CEP83: variants seen among roughly 807,000 people sequenced by gnomAD.
CEP83 encodes centrosomal protein of 83 kDa.
Under a neutral mutation model 101.9 loss-of-function variants are expected in CEP83, and 70 were observed. That is an observed-to-expected ratio of 0.69 (90% confidence interval 0.57 to 0.84). The LOEUF is 0.84. Among genes scored for constraint, CEP83 ranks in the 40% least tolerant of loss-of-function variants. The probability of loss-of-function intolerance (pLI) is 0.00; values close to 1 mark genes in which losing one functional copy is unlikely to be tolerated. For synonymous variants in CEP83, 264 were observed against 267.9 expected (o/e 0.99, Z 0.14); for missense variants, 715 against 787.2 (o/e 0.91, Z 1.10).
chr12:94,385,404 A>C (rs2062081630), intron 6 of CEP83, among the ~76,000 whole-genome samples: 1 of 152,040 alleles, frequency 6.6e-6, no homozygotes, highest in East Asian at 1.9e-4. Flanking sequence ...AGGGTACCTC[A>C]TTACTGCCAG....
At chr12:94,406,240 T>G (rs980284633) in intron 4 of CEP83, among the ~76,000 whole-genome samples, 11 of 151,808 alleles carry the variant, frequency 7.2e-5, no homozygotes, top group African/African-American at 2.7e-4. Context: ...TATCAGAATA[T>G]AAAAATATTG....
chr12:94,404,838 A>C (rs962240564), intron 4 of CEP83, among the ~76,000 whole-genome samples: 13 of 152,192 alleles, frequency 8.5e-5, no homozygotes, highest in Non-Finnish European at 1.6e-4. Context: ...CCCTTCCTAA[A>C]ACAATCTACA....
chr12:94,275,274 A>G, the CEP83 span, among the ~76,000 whole-genome samples: 1 of 152,230 alleles, frequency 6.6e-6, no homozygotes, highest in African/African-American at 2.4e-5. Context: ...CTATGTCATA[A>G]CATCTCTCTG....
intron 4 of CEP83, among the ~76,000 whole-genome samples, chr12:94,410,794 C>T (rs989837667): frequency 3.9e-5 from 6 of 151,932 alleles, no homozygotes; most frequent in African/African-American, 1.5e-4. Flanking sequence ...CTAAATATAC[C>T]TAGGAATGAA....
intron 8 of CEP83, among the ~76,000 whole-genome samples, chr12:94,373,703 C>G (rs373529879): frequency 6.6e-6 from 1 of 152,156 alleles, no homozygotes; most frequent in Admixed American, 6.6e-5. Flanking sequence ...TTTGGTAATA[C>G]CTTTTAATCC....
intron 14 of CEP83, among the ~76,000 whole-genome samples, chr12:94,327,938 TTA>T (rs1350629296): frequency 1.3e-5 from 2 of 152,214 alleles, no homozygotes; most frequent in Admixed American, 6.5e-5. Context: ...TTCTTGCATG[TTA>T]TCTTATTTCT....
intron 14 of CEP83, among the ~76,000 whole-genome samples, chr12:94,320,106 C>A (rs759594295): frequency 1.3e-5 from 2 of 151,958 alleles, no homozygotes; most frequent in South Asian, 2.1e-4. Context: ...TATGTAAACC[C>A]GTGTCTTTTT....
At chr12:94,288,583 T>C in the CEP83 span, among the ~76,000 whole-genome samples, 1 of 152,226 alleles carries the variant, frequency 6.6e-6, no homozygotes, top group Non-Finnish European at 1.5e-5. Flanking sequence ...GTCCAGAACC[T>C]TCTGTGTGAT....
intron 6 of CEP83, among the ~76,000 whole-genome samples, chr12:94,394,013 T>C (rs1270617670): frequency 1.3e-5 from 2 of 152,136 alleles, no homozygotes; most frequent in Non-Finnish European, 2.9e-5. Flanking sequence ...TGCTTATGGA[T>C]AGGAAGAATC....
At chr12:94,301,451 G>A (rs997209179), downstream of CEP83, among the ~76,000 whole-genome samples, 2 of 152,080 alleles carry the variant, frequency 1.3e-5, no homozygotes, top group African/African-American at 4.8e-5. Flanking sequence ...CATTGCTTAT[G>A]GGACACAAAA....
At chr12:94,415,092 A>G (rs2137853910) in intron 2 of CEP83, among the ~76,000 whole-genome samples, 1 of 152,254 alleles carries the variant, frequency 6.6e-6, no homozygotes, top group Non-Finnish European at 1.5e-5. Context: ...AGTTATTGAA[A>G]GATTATTTCA....
At chr12:94,327,943 T>G (rs1331750913) in intron 14 of CEP83, among the ~76,000 whole-genome samples, 1 of 152,224 alleles carries the variant, frequency 6.6e-6, no homozygotes, top group Non-Finnish European at 1.5e-5. Context: ...GCATGTTATC[T>G]TATTTCTCCA....
At chr12:94,365,798 T>G (rs577704741) in intron 11 of CEP83, among the ~76,000 whole-genome samples, 5 of 145,576 alleles carry the variant, frequency 3.4e-5, no homozygotes, top group African/African-American at 1.3e-4. Context: ...AGACAAAATA[T>G]TGGAAATTAA....
At chr12:94,409,129 TTTG>T (rs1349508067) in intron 4 of CEP83, among the ~76,000 whole-genome samples, 1 of 152,018 alleles carries the variant, frequency 6.6e-6, no homozygotes, top group African/African-American at 2.4e-5. Context: ...TTTCTTGATC[TTTG>T]TTGAATTTAC....
chr12:94,279,428 T>G, the CEP83 span: 1 of 1,552,034 alleles, frequency 6.4e-7, no homozygotes, highest in South Asian at 1.2e-5. Flanking sequence ...CCTTTCAGAT[T>G]GCAATTATCT....
At chr12:94,346,635 G>A (rs1393707192) in intron 11 of CEP83, among the ~76,000 whole-genome samples, 2 of 152,170 alleles carry the variant, frequency 1.3e-5, no homozygotes, top group East Asian at 3.8e-4. Context: ...AATCTTGTGG[G>A]ACCAAGCCTT....
chr12:94,411,731 TCTA>T lies in CEP83; in HGVS notation c.287_289del (p.Val96del), dbSNP rs1472544597. ...CATTTCTTCTAAATCTTTAGTTTTC[TCTA>T]CTAATTCTCCTCTTAGTTCTTCAAG... On this transcript the variant is annotated inframe_deletion, in exon 4 of 17. Coordinates refer to ENST00000397809, the MANE Select transcript of CEP83 (RefSeq NM_016122.3). 5.0e-6 allele frequency: 8 copies of T among 1,605,684 alleles called. No homozygotes were observed. The East Asian group carries it at 1.6e-4, about 31-fold the overall frequency.
At chr12:94,311,648 G>A (rs1328225084) in intron 15 of CEP83, among the ~76,000 whole-genome samples, 3 of 152,204 alleles carry the variant, frequency 2.0e-5, no homozygotes, top group African/African-American at 7.2e-5. Context: ...TTGACTGTGT[G>A]AGAATAGGAA....
At chr12:94,331,392 A>C (rs2059212725) in intron 14 of CEP83, among the ~76,000 whole-genome samples, 1 of 90,098 alleles carries the variant, frequency 1.1e-5, no homozygotes, top group Non-Finnish European at 2.0e-5. Context: ...TTTGCGACAG[A>C]GTCTTGCTCT....
Sources: gnomAD v4.1 joint callset for allele counts (sites outside exome capture counted in the v4.1 genomes callset) on GRCh38, gnomAD v4.1.1 for gene constraint, MANE v1.5 for transcripts, NCBI Gene and HGNC (gene_info 2026-07-23, HGNC 2026-07-21) for gene names.